The following UNC5D variants were observed in gnomAD, a reference collection of about 807,000 sequenced individuals.
UNC5D encodes netrin receptor UNC5D.
Under a neutral mutation model 105.4 loss-of-function variants are expected in UNC5D, and 39 were observed. The ratio of observed to expected loss-of-function variants is 0.37; its 90% CI spans 0.29 to 0.48. The LOEUF is 0.48. Among genes scored for constraint, UNC5D ranks in the 20% least tolerant of loss-of-function variants. The probability of loss-of-function intolerance (pLI) is 0.98; values close to 1 mark genes in which losing one functional copy is unlikely to be tolerated. For synonymous variants in UNC5D, 452 were observed against 450.4 expected (o/e 1.00, Z -0.04); for missense variants, 991 against 1,202.4 (o/e 0.82, Z 2.60).
rs549340215 is a variant in UNC5D at position 35,399,340 on chromosome 8, A to AT, written c.104-149944dup. The stretch of plus-strand genomic sequence containing the variant: ...TTTGAGTGGTAATCCAGACATTGCT[A>AT]TTTTTTTTCTTTTAAGGCCTAAATA... On this transcript the variant is annotated intron_variant, in intron 1 of 16. Transcript: ENST00000404895. Among the ~76,000 whole-genome samples the AT allele has an allele frequency of 2.7e-3, 402 of 151,618 alleles. 2 individuals are homozygous for AT. The highest frequency in any genetic ancestry group is 9.1e-3 in the African/African-American group (374 of 41,316).
chr8:35,578,267 C>CT (rs1818231235), intron 3 of UNC5D, among the ~76,000 whole-genome samples: 1 of 97,626 alleles, frequency 1.0e-5, no homozygotes, highest in Non-Finnish European at 1.8e-5. Context: ...AAAACTCTGT[C>CT]TCAAAAAAAA....
At chr8:35,360,663 C>G (rs1188376390) in intron 1 of UNC5D, among the ~76,000 whole-genome samples, 2 of 152,126 alleles carry the variant, frequency 1.3e-5, no homozygotes, top group African/African-American at 2.4e-5. Context: ...CAAGTATGTG[C>G]ATCTTTGAAT....
chr8:35,417,676 A>G (rs888679781), intron 1 of UNC5D, among the ~76,000 whole-genome samples: 11 of 152,194 alleles, frequency 7.2e-5, no homozygotes, highest in East Asian at 1.9e-4. Context: ...TCTCTTTTAA[A>G]CATGCTAATC....
chr8:35,732,024 A>G (rs898776983), intron 11 of UNC5D, among the ~76,000 whole-genome samples: 4 of 152,178 alleles, frequency 2.6e-5, no homozygotes, highest in Non-Finnish European at 5.9e-5. Context: ...TCCACACAAG[A>G]TAAACCTGAC....
chr8:35,740,056 G>A (rs1369717258), intron 11 of UNC5D, among the ~76,000 whole-genome samples: 1 of 152,214 alleles, frequency 6.6e-6, no homozygotes, highest in African/African-American at 2.4e-5. Context: ...TAGCCCTAAA[G>A]TGAACAGATA....
chr8:35,753,500 A>G (rs58262186), intron 13 of UNC5D, among the ~76,000 whole-genome samples: 12,852 of 152,104 alleles, frequency 0.084, 1,505 homozygotes, highest in African/African-American at 0.27. Flanking sequence ...CGATCCGCCC[A>G]CCTCAGCCTC....
intron 1 of UNC5D, among the ~76,000 whole-genome samples, chr8:35,437,698 G>A (rs1807116238): frequency 2.0e-5 from 3 of 152,206 alleles, no homozygotes; most frequent in South Asian, 4.1e-4. Context: ...GAAGGCTATA[G>A]AAAAGAGATC....
intron 4 of UNC5D, among the ~76,000 whole-genome samples, chr8:35,603,823 T>C (rs1338978048): frequency 1.3e-5 from 2 of 152,162 alleles, no homozygotes; most frequent in African/African-American, 4.8e-5. Flanking sequence ...CTTTTGATCT[T>C]TGTTGGTTTA....
At chr8:35,329,088 G>A (rs538619815) in intron 1 of UNC5D, among the ~76,000 whole-genome samples, 2 of 152,018 alleles carry the variant, frequency 1.3e-5, no homozygotes, top group African/African-American at 2.4e-5. Context: ...TTTAGCCACT[G>A]TATCTCTTAT....
chr8:35,665,957 A>G (rs1271551875), intron 4 of UNC5D, among the ~76,000 whole-genome samples: 2 of 138,072 alleles, frequency 1.4e-5, no homozygotes, highest in African/African-American at 3.4e-5. Flanking sequence ...ACTTGGTTAT[A>G]CTTTTTTTTT....
intron 1 of UNC5D, among the ~76,000 whole-genome samples, chr8:35,253,067 T>G (rs1485553680): frequency 1.3e-5 from 2 of 152,068 alleles, no homozygotes. Context: ...TTGTCATCAT[T>G]GAATTATAGG....
chr8:35,467,352 A>G (rs901504703), intron 1 of UNC5D, among the ~76,000 whole-genome samples: 2 of 152,142 alleles, frequency 1.3e-5, no homozygotes, highest in African/African-American at 4.8e-5. Flanking sequence ...GGAAGTGGGA[A>G]GTGTGTGGAC....
intron 4 of UNC5D, among the ~76,000 whole-genome samples, chr8:35,681,704 G>A (rs967595331): frequency 1.3e-5 from 2 of 152,040 alleles, no homozygotes; most frequent in Admixed American, 6.5e-5. Flanking sequence ...GGTACCACTC[G>A]GCTCTGACAG....
chr8:35,627,843 C>T (rs1355492834), intron 4 of UNC5D, among the ~76,000 whole-genome samples: 1 of 152,154 alleles, frequency 6.6e-6, no homozygotes, highest in African/African-American at 2.4e-5. Flanking sequence ...AGGAGGCTCT[C>T]TTGAGCCCAG....
At chr8:35,622,730 A>T (rs1821435928) in intron 4 of UNC5D, among the ~76,000 whole-genome samples, 1 of 152,192 alleles carries the variant, frequency 6.6e-6, no homozygotes, top group African/African-American at 2.4e-5. Context: ...GTGGAAAAAT[A>T]GTTCTGCTTC....
chr8:35,494,864 TG>T (rs1811446388), intron 1 of UNC5D, among the ~76,000 whole-genome samples: 1 of 152,210 alleles, frequency 6.6e-6, no homozygotes, highest in African/African-American at 2.4e-5. Flanking sequence ...ATTATACTTT[TG>T]TTTTTTTAAC....
chr8:35,331,575 C>T lies in UNC5D; in HGVS notation c.103+95688C>T, dbSNP rs144481884. 1.6e-3 allele frequency among the ~76,000 whole-genome samples: 243 copies of T among 152,228 alleles called. 1 individual carries two copies. The highest frequency in any genetic ancestry group is 4.5e-3 in the African/African-American group (185 of 41,550). ...CCAGTGAGAAAACAACTTCAGCCTGCGTCAGCAGTCAGTCTTGCTAGTCTT... is the reference window on the plus strand; with the variant it reads ...CCAGTGAGAAAACAACTTCAGCCTGTGTCAGCAGTCAGTCTTGCTAGTCTT... On this transcript the variant is annotated intron_variant, in intron 1 of 16. Coordinates refer to ENST00000404895, the MANE Select transcript of UNC5D (RefSeq NM_080872.4).
chr8:35,238,936 T>C (rs1802634647), intron 1 of UNC5D, among the ~76,000 whole-genome samples: 1 of 152,166 alleles, frequency 6.6e-6, no homozygotes, highest in Admixed American at 6.5e-5. Context: ...CCCTCTTCCT[T>C]CCCACTTTAC....
Position 35,513,152 on chromosome 8 carries a change from A to T in UNC5D, c.104-36140A>T, listed in dbSNP as rs373809491. Among the ~76,000 whole-genome samples the T allele has an allele frequency of 9.3e-5, 14 of 150,818 alleles. No individual in the cohort carries two copies. In the East Asian group the frequency reaches 2.7e-3, roughly 30 times the overall value. ...CTTCGCACTTGCTATTCTGGGTTTG[A>T]CATGTTCTTCCCAAAATAACCATGT... On this transcript the variant is annotated intron_variant, in intron 1 of 16. Transcript: ENST00000404895.
Sources: allele counts gnomAD v4.1 joint callset (sites outside exome capture counted in the v4.1 genomes callset), GRCh38; gene constraint gnomAD v4.1.1; transcripts MANE v1.5; gene names NCBI Gene and HGNC (gene_info 2026-07-23, HGNC 2026-07-21).